The following ENOSF1 variants were observed in gnomAD, a reference collection of about 807,000 sequenced individuals.
ENOSF1 encodes the protein enolase superfamily member 1.
Under a neutral mutation model 68.2 loss-of-function variants are expected in ENOSF1, and 73 were observed. That is an observed-to-expected ratio of 1.07 (90% CI 0.89 to 1.30). The LOEUF (loss-of-function observed/expected upper bound fraction) is 1.30, where lower values mean the gene tolerates loss of function less well. Ranked by LOEUF, ENOSF1 falls within the 50% of genes most tolerant of loss-of-function variation. The pLI, the probability that ENOSF1 is intolerant of heterozygous loss-of-function variation, is 0.00. For synonymous variants in ENOSF1, 223 were observed against 210.4 expected (o/e 1.06, Z -0.52); for missense variants, 589 against 554.5 (o/e 1.06, Z -0.62).
In ENOSF1 at chr18:670,841, A is replaced by G. The variant is rs1267313145; in HGVS notation, c.*3464T>C. The G allele has an allele frequency of 6.2e-7, 1 of 1,613,924 alleles. No individual in the cohort carries two copies. Among genetic ancestry groups the G allele is most frequent in the Non-Finnish European group, 8.5e-7 (1 of 1,179,990 alleles). ...CGCCAGCTACGCCCTGCTCACGTACATGATTGCGCACATCACGGGCCTGAA... is the reference window on the plus strand; with the variant it reads ...CGCCAGCTACGCCCTGCTCACGTACGTGATTGCGCACATCACGGGCCTGAA... On this transcript the variant is annotated 3_prime_UTR_variant, in exon 16 of 16. Coordinates refer to ENST00000647584, the MANE Select transcript of ENOSF1 (RefSeq NM_017512.7).
downstream of ENOSF1, among the ~76,000 whole-genome samples, chr18:667,203 T>C (rs796098656): frequency 8.2e-5 from 5 of 61,274 alleles, no homozygotes; most frequent in Admixed American, 1.3e-4. Flanking sequence ...ATGGTGATGG[T>C]GATGGTGATG....
chr18:678,642 C>G (rs1220392371), intron 12 of ENOSF1, 54 bp downstream of exon 12: 2 of 1,575,962 alleles, frequency 1.3e-6, no homozygotes, highest in African/African-American at 1.3e-5. Context: ...GGTCACTGGT[C>G]AGCGTGTACT....
intron 11 of ENOSF1, 47 bp from the exon 12 acceptor site, chr18:678,784 T>A: frequency 6.3e-7 from 1 of 1,584,682 alleles, no homozygotes; most frequent in Non-Finnish European, 8.7e-7. Flanking sequence ...AGTTTTGAAC[T>A]GCAACTCCTA....
chr18:670,746 T>C lies in ENOSF1; in HGVS notation c.*3559A>G. 1 of 1,614,176 alleles carries C rather than the reference T, an allele frequency of 6.2e-7. No individual in the cohort carries two copies. The highest frequency in any genetic ancestry group is 8.5e-7 in the Non-Finnish European group (1 of 1,180,022). ...CATGCCCTCTGCCAGTTCTATGTGG[T>C]GAACAGTGAGCTGTCCTGCCAGCTG... On this transcript the variant is annotated 3_prime_UTR_variant, in exon 16 of 16. Transcript: ENST00000647584.
chr18:676,769 A>C (rs965600813), intron 14 of ENOSF1, among the ~76,000 whole-genome samples: 1 of 152,158 alleles, frequency 6.6e-6, no homozygotes, highest in Admixed American at 6.5e-5. Flanking sequence ...ATGTACCCTC[A>C]AGGGTCCCAT....
intron 1 of ENOSF1, among the ~76,000 whole-genome samples, chr18:707,064 C>T (rs969271909): frequency 6.6e-6 from 1 of 152,078 alleles, no homozygotes. Flanking sequence ...GGTGATCCAC[C>T]TGCCTTGGCC....
chr18:690,005 G>C (rs2076988229), intron 8 of ENOSF1, among the ~76,000 whole-genome samples: 1 of 152,136 alleles, frequency 6.6e-6, no homozygotes, highest in East Asian at 1.9e-4. Flanking sequence ...AGAGCTTCCA[G>C]GTTGGTGAAC....
intron 9 of ENOSF1, chr18:687,033 C>CG (rs1383895395): frequency 2.0e-5 from 3 of 148,914 alleles, no homozygotes; most frequent in African/African-American, 7.3e-5. Flanking sequence ...CAGCCTCCCC[C>CG]GGGTATGCAG....
chr18:678,992 C>T (rs1224181020), intron 11 of ENOSF1, among the ~76,000 whole-genome samples: 3 of 152,144 alleles, frequency 2.0e-5, no homozygotes, highest in East Asian at 1.9e-4. Context: ...TCTCCTTCTG[C>T]GGTGTCCCGG....
At chr18:685,861 G>T in intron 10 of ENOSF1, 60 bp downstream of exon 10, 1 of 1,251,732 alleles carries the variant, frequency 8.0e-7, no homozygotes, top group Non-Finnish European at 1.2e-6. Context: ...ATCTTGAAAC[G>T]AGTTGTATTT....
chr18:666,822 C>G (rs935907257), downstream of ENOSF1, among the ~76,000 whole-genome samples: 1 of 152,186 alleles, frequency 6.6e-6, no homozygotes, highest in Non-Finnish European at 1.5e-5. Flanking sequence ...GACTGGGGAA[C>G]AGGGAGGAAT....
At chr18:681,006 G>A (rs1246138144) in intron 11 of ENOSF1, among the ~76,000 whole-genome samples, 1 of 152,080 alleles carries the variant, frequency 6.6e-6, no homozygotes, top group Non-Finnish European at 1.5e-5. Context: ...GGATCACGAG[G>A]TCAGAAGATC....
chr18:698,872 T>A (rs1250922133), intron 2 of ENOSF1, among the ~76,000 whole-genome samples: 2 of 152,088 alleles, frequency 1.3e-5, no homozygotes, highest in Non-Finnish European at 2.9e-5. Context: ...TACACCTGCC[T>A]CGGCCACCAA....
intron 2 of ENOSF1, among the ~76,000 whole-genome samples, chr18:703,911 G>T (rs555575513): frequency 1.3e-5 from 2 of 152,144 alleles, no homozygotes; most frequent in African/African-American, 4.8e-5. Context: ...CGTGAGATCT[G>T]GTGACTTAAA....
intron 1 of ENOSF1, among the ~76,000 whole-genome samples, chr18:711,832 T>C (rs1160744246): frequency 6.6e-6 from 1 of 152,192 alleles, no homozygotes; most frequent in Non-Finnish European, 1.5e-5. Context: ...TGTGACGCAG[T>C]TAGCACGCGC....
At chr18:690,768 A>G in intron 7 of ENOSF1, 137 bp from the exon 8 acceptor site, 1 of 1,327,180 alleles carries the variant, frequency 7.5e-7, no homozygotes, top group Non-Finnish European at 9.9e-7. Flanking sequence ...ACCCAGCCAC[A>G]AATTACTAGG....
At chr18:688,750 C>A in intron 8 of ENOSF1, 142 bp from the exon 9 acceptor site, 1 of 700,646 alleles carries the variant, frequency 1.4e-6, no homozygotes. Flanking sequence ...AAATTAACAG[C>A]AGAAACAGCC....
chr18:697,773 T>C (rs1598736543), intron 2 of ENOSF1, among the ~76,000 whole-genome samples: 1 of 152,066 alleles, frequency 6.6e-6, no homozygotes, highest in African/African-American at 2.4e-5. Flanking sequence ...CTTTTTAAAA[T>C]TGCATCAAAT....
At chr18:692,873 T>C (rs1036854434) in intron 5 of ENOSF1, 284 of 1,100,118 alleles carry the variant, frequency 2.6e-4, no homozygotes, top group Non-Finnish European at 3.0e-4. Flanking sequence ...CTGTCTTCAC[T>C]TTCCTCCGGA....
Sources: allele counts gnomAD v4.1 joint callset (sites outside exome capture counted in the v4.1 genomes callset), GRCh38; gene constraint gnomAD v4.1.1; transcripts MANE v1.5; gene names NCBI Gene and HGNC (gene_info 2026-07-23, HGNC 2026-07-21).